Variants in SFXN2 observed in about 807,000 individuals in gnomAD.
The protein encoded by SFXN2 is sideroflexin-2.
A neutral mutation model predicts 41.9 loss-of-function variants in SFXN2; 37 were observed. The ratio of observed to expected loss-of-function variants is 0.88; its 90% CI spans 0.68 to 1.16. The LOEUF is 1.16. SFXN2 is among the 50% of genes most tolerant of loss of function. The probability of loss-of-function intolerance (pLI) is 0.00; values close to 1 mark genes in which losing one functional copy is unlikely to be tolerated. For synonymous variants in SFXN2, 150 were observed against 156.7 expected, an observed-to-expected ratio of 0.96 and a Z score of 0.32; for missense variants, 386 against 425.2, an observed-to-expected ratio of 0.91 and a Z score of 0.81.
chr10:102,716,567 T>C (rs1174930622), intron 1 of SFXN2: 1 of 77,696 alleles, frequency 1.3e-5, no homozygotes, highest in Admixed American at 1.3e-4. Flanking sequence ...CTTTCCTTTT[T>C]TTTTTTTTTT....
intron 1 of SFXN2, among the ~76,000 whole-genome samples, chr10:102,715,652 A>T (rs1378786337): frequency 2.0e-5 from 3 of 152,128 alleles, no homozygotes; most frequent in Non-Finnish European, 4.4e-5. Context: ...ACCCCTAGAA[A>T]TTGGTAATTG....
chr10:102,731,644 T>G, intron 6 of SFXN2, 79 bp from the exon 7 acceptor site: 1 of 1,313,180 alleles, frequency 7.6e-7, no homozygotes, highest in East Asian at 2.3e-5. Flanking sequence ...TGGCCTGGCC[T>G]TGGTCCCCTG....
chr10:102,723,363 T>C (rs1218837939), intron 1 of SFXN2, among the ~76,000 whole-genome samples: 3 of 151,884 alleles, frequency 2.0e-5, no homozygotes, highest in African/African-American at 7.3e-5. Context: ...GCGATTCTCC[T>C]GCCTCAGCCT....
rs1041052902 is a variant in SFXN2, at chr10:102,739,907, A to C, written c.*2145A>C. 6.6e-6 allele frequency: 1 copy of C among 151,930 alleles called. No individual in the cohort carries two copies. Among genetic ancestry groups the C allele is most frequent in the African/African-American group, 2.4e-5 (1 of 41,348 alleles). The allele number at this position is 151,930 out of a possible 1,614,324, so 9.4% of individuals were successfully genotyped here. On this transcript the variant is annotated 3_prime_UTR_variant, in exon 12 of 12. Transcript: ENST00000369893. ...CAACCTGGGCGACTCCGTCTCAAAAAAAAAAAAGAAAACACATCAGAATTA... is the reference window on the plus strand; with the variant it reads ...CAACCTGGGCGACTCCGTCTCAAAACAAAAAAAGAAAACACATCAGAATTA...
At chr10:102,731,089 A>C (rs1383462560) in intron 6 of SFXN2, among the ~76,000 whole-genome samples, 1 of 150,576 alleles carries the variant, frequency 6.6e-6, no homozygotes, top group Non-Finnish European at 1.5e-5. Context: ...CTCCATCACA[A>C]AAAAAAAACC....
At chr10:102,736,574 G>A (rs1452274606) in intron 11 of SFXN2, among the ~76,000 whole-genome samples, 1 of 152,056 alleles carries the variant, frequency 6.6e-6, no homozygotes, top group Non-Finnish European at 1.5e-5. Context: ...GTGCCACCAC[G>A]CACAGCTAAT....
rs116493433 is a variant in SFXN2 at position 102,730,297 on chromosome 10, G to T, written c.593+489G>T. 8.1e-3 allele frequency among the ~76,000 whole-genome samples: 1,236 copies of T among 152,284 alleles called. 21 individuals carry two copies. The highest frequency in any genetic ancestry group is 0.029 in the African/African-American group (1,185 of 41,544). Reference sequence around the variant, plus strand: ...AAAAGGTAAAGGAGAAACTCATTGTGTCTCACAGTTCTTATTTCTTGACTA... The same window carrying T: ...AAAAGGTAAAGGAGAAACTCATTGTTTCTCACAGTTCTTATTTCTTGACTA... On this transcript the variant is annotated intron_variant, in intron 6 of 11. Coordinates refer to ENST00000369893, the MANE Select transcript of SFXN2 (RefSeq NM_178858.6).
intron 1 of SFXN2, among the ~76,000 whole-genome samples, chr10:102,725,391 T>C (rs2064576717): frequency 6.6e-6 from 1 of 152,218 alleles, no homozygotes; most frequent in Non-Finnish European, 1.5e-5. Flanking sequence ...GGTTAGGCTC[T>C]GGTAAAATAG....
At chr10:102,718,624 A>G (rs1016871493) in intron 1 of SFXN2, among the ~76,000 whole-genome samples, 1 of 152,244 alleles carries the variant, frequency 6.6e-6, no homozygotes, top group Non-Finnish European at 1.5e-5. Flanking sequence ...GGGCCAGGCC[A>G]GGGCGCTGTG....
chr10:102,722,360 T>G lies in SFXN2; in HGVS notation c.-25-4252T>G, dbSNP rs111647829. 3.6e-3 allele frequency among the ~76,000 whole-genome samples: 548 copies of G among 152,322 alleles called. 2 individuals carry two copies. The highest frequency in any genetic ancestry group is 4.8e-3 in the Non-Finnish European group (327 of 68,038). On this transcript the variant is annotated intron_variant, in intron 1 of 11. Transcript: ENST00000369893. ...CATGGAGTGTGCAAGTACCTTAGAA[T>G]GGAGTCCTCCCAATTCTCCCCTCCT... is the stretch of plus-strand genomic sequence containing the variant.
Position 102,733,584 on chromosome 10 carries a change from G to C in SFXN2, c.802G>C (p.Val268Leu). Residue 268 changes from valine to leucine, a missense_variant, in exon 10 of 12, where the codon GTC (valine) becomes CTC (leucine). Val to Leu is a conservative substitution (Grantham distance 32). Transcript: ENST00000369893. ...KVKVLHAPLQVMLSGCFLIFM... is the reference protein window; with the variant it reads ...KVKVLHAPLQLMLSGCFLIFM... Reference sequence around the variant, plus strand: ...CAAGGTCCTGCACGCCCCATTGCAGGTCATGCTGAGCGGGTGCTTGTAAGT... The same window carrying C: ...CAAGGTCCTGCACGCCCCATTGCAGCTCATGCTGAGCGGGTGCTTGTAAGT... The C allele has an allele frequency of 6.2e-7, 1 of 1,614,130 alleles. No individual in the cohort carries two copies. Among genetic ancestry groups the C allele is most frequent in the African/African-American group, 1.3e-5 (1 of 75,052 alleles).
chr10:102,732,696 G>A lies in SFXN2; in HGVS notation c.722-163G>A, dbSNP rs920250577. ...GCCAGGACTTTGGGGAGAAAGTTTG[G>A]GGGTGGTCATGCCTACTTGCTCTTC... On this transcript the variant is annotated intron_variant, in intron 8 of 11. Transcript: ENST00000369893. Among the ~76,000 whole-genome samples, 16 of 152,256 alleles carry A rather than the reference G, an allele frequency of 1.1e-4. No homozygotes were observed. In the East Asian group the frequency reaches 1.9e-3, roughly 18 times the overall value.
intron 11 of SFXN2, 85 bp from the exon 12 acceptor site, chr10:102,737,578 G>A: frequency 1.2e-6 from 1 of 841,030 alleles, no homozygotes; most frequent in Non-Finnish European, 2.0e-6. Flanking sequence ...AAAATCAGGA[G>A]GGCTTCTTGG....
chr10:102,718,087 GT>G (rs564433043), intron 1 of SFXN2, among the ~76,000 whole-genome samples: 200 of 152,250 alleles, frequency 1.3e-3, no homozygotes, highest in Non-Finnish European at 2.3e-3. Flanking sequence ...TTTTTGTTTT[GT>G]TTTTGTTTTG....
rs1296141308 is a variant in SFXN2, at chr10:102,740,404, T to C, written c.*2642T>C. 1 of 152,130 alleles carries C rather than the reference T, an allele frequency of 6.6e-6. No individual in the cohort carries two copies. The highest frequency in any genetic ancestry group is 1.5e-5 in the Non-Finnish European group (1 of 68,046). 9.4% of individuals were successfully genotyped at this position (152,130 alleles called of 1,614,324 possible). On this transcript the variant is annotated 3_prime_UTR_variant, in exon 12 of 12. Transcript: ENST00000369893. ...TGGGACCACAGGCTAATTTGATTTT[T>C]TTGATGAGGTCTCACTATGTTGCCC...
chr10:102,732,031 G>C, intron 7 of SFXN2, 121 bp from the exon 8 acceptor site: 1 of 968,892 alleles, frequency 1.0e-6, no homozygotes, highest in Non-Finnish European at 1.6e-6. Flanking sequence ...TCAGCAACTG[G>C]AGGGTCCTTC....
intron 6 of SFXN2, among the ~76,000 whole-genome samples, chr10:102,731,506 C>G (rs1314350813): frequency 6.6e-6 from 1 of 152,134 alleles, no homozygotes; most frequent in African/African-American, 2.4e-5. Flanking sequence ...GGACTCAACC[C>G]AGACAGTCCG....
chr10:102,727,020 G>A lies in SFXN2; in HGVS notation c.195G>A (p.Glu65=). 1.2e-6 allele frequency: 2 copies of A among 1,604,006 alleles called. No homozygotes were observed. The highest frequency in any genetic ancestry group is 1.7e-6 in the Non-Finnish European group (2 of 1,171,846). Residue 65 remains glutamate, a synonymous_variant, in exon 3 of 12, where the codon GAG becomes GAA. Transcript: ENST00000369893. ...MGVVPPGTQV[E]QLLYAKKLYD... Reference sequence around the variant, plus strand: ...TTGTGCCCCCAGGCACCCAAGTGGAGCAGCTGCTGTATGCCAAGAAGCTGT... The same window carrying A: ...TTGTGCCCCCAGGCACCCAAGTGGAACAGCTGCTGTATGCCAAGAAGCTGT...
chr10:102,731,646 G>C (rs1001128078), intron 6 of SFXN2, 77 bp from the exon 7 acceptor site: 2 of 1,323,570 alleles, frequency 1.5e-6, no homozygotes, highest in African/African-American at 2.9e-5. Context: ...GCCTGGCCTT[G>C]GTCCCCTGGC....
Sources: allele counts gnomAD v4.1 joint callset (sites outside exome capture counted in the v4.1 genomes callset), GRCh38; gene constraint gnomAD v4.1.1; transcripts MANE v1.5; gene names NCBI Gene and HGNC (gene_info 2026-07-23, HGNC 2026-07-21).